GALNT13: variants seen among roughly 807,000 people sequenced by gnomAD.
The protein encoded by GALNT13 is polypeptide N-acetylgalactosaminyltransferase 13.
A neutral mutation model predicts 64.2 loss-of-function variants in GALNT13; 28 were observed. The ratio of observed to expected loss-of-function variants is 0.44; its 90% CI spans 0.32 to 0.60. The LOEUF (loss-of-function observed/expected upper bound fraction) is 0.60. Ranked by LOEUF, GALNT13 falls within the 20% of genes least tolerant of loss-of-function variation. GALNT13 has a pLI of 0.05. For missense variants in GALNT13, 577 were observed against 669.8 expected, an observed-to-expected ratio of 0.86 and a Z score of 1.53; for synonymous variants, 214 against 224.6, an observed-to-expected ratio of 0.95 and a Z score of 0.42.
chr2:154,192,385 G>GT (rs1330039734), intron 4 of GALNT13, among the ~76,000 whole-genome samples: 1 of 152,140 alleles, frequency 6.6e-6, no homozygotes, highest in Non-Finnish European at 1.5e-5. Context: ...AGGCCCGGGG[G>GT]TGGAACCCTA....
At chr2:153,173,369 G>A in the GALNT13 span, 2 of 152,092 alleles carry the variant, frequency 1.3e-5, no homozygotes, top group African/African-American at 4.8e-5. Flanking sequence ...CTATTTGTCT[G>A]GGTCTACCGA....
At chr2:153,485,619 T>C in the GALNT13 span, among the ~76,000 whole-genome samples, 1 of 152,172 alleles carries the variant, frequency 6.6e-6, no homozygotes, top group East Asian at 1.9e-4. Context: ...AATATATTAC[T>C]GGGCCAGGCA....
intron 12 of GALNT13, chr2:154,446,381 T>G (rs901534051): frequency 1.7e-5 from 7 of 422,610 alleles, no homozygotes; most frequent in Non-Finnish European, 2.5e-5. Flanking sequence ...CTTCATTTAC[T>G]CCTTCCTTAT....
chr2:153,403,529 C>A, the GALNT13 span, among the ~76,000 whole-genome samples: 1 of 152,230 alleles, frequency 6.6e-6, no homozygotes, highest in Non-Finnish European at 1.5e-5. Flanking sequence ...CCCCCAGCCT[C>A]CCTGCCACCT....
At chr2:153,603,003 A>C in the GALNT13 span, among the ~76,000 whole-genome samples, 1 of 151,910 alleles carries the variant, frequency 6.6e-6, no homozygotes, top group African/African-American at 2.4e-5. Flanking sequence ...TTTTAACAAC[A>C]GTATATATTG....
At chr2:153,904,045 AT>A in intron 2 of GALNT13, among the ~76,000 whole-genome samples, 2 of 151,904 alleles carry the variant, frequency 1.3e-5, no homozygotes, top group African/African-American at 4.8e-5. Flanking sequence ...GTTTAGCCTG[AT>A]TTTTAAATTA....
chr2:153,160,594 C>T, the GALNT13 span, among the ~76,000 whole-genome samples: 5 of 152,124 alleles, frequency 3.3e-5, no homozygotes, highest in South Asian at 8.3e-4. Context: ...AAGATGACTA[C>T]ACAAGTGTAC....
chr2:153,212,031 A>G, the GALNT13 span, among the ~76,000 whole-genome samples: 1 of 152,196 alleles, frequency 6.6e-6, no homozygotes, highest in East Asian at 1.9e-4. Context: ...TTACAGAAGC[A>G]TAGAGAAATT....
intron 9 of GALNT13, among the ~76,000 whole-genome samples, chr2:154,351,774 T>C (rs947902262): frequency 4.8e-5 from 7 of 145,726 alleles, no homozygotes; most frequent in Non-Finnish European, 1.1e-4. Flanking sequence ...ATAAATTTTG[T>C]ATAAGACCAT....
At chr2:154,410,332 A>G (rs1390642764) in intron 11 of GALNT13, among the ~76,000 whole-genome samples, 1 of 151,972 alleles carries the variant, frequency 6.6e-6, no homozygotes, top group East Asian at 1.9e-4. Context: ...CACATAATAA[A>G]AATTCTGACA....
At chr2:153,962,904 A>G (rs1693040636) in intron 3 of GALNT13, among the ~76,000 whole-genome samples, 1 of 152,164 alleles carries the variant, frequency 6.6e-6, no homozygotes, top group Non-Finnish European at 1.5e-5. Flanking sequence ...ACTCAGCATA[A>G]GTGTTTTGAG....
chr2:153,217,951 A>G, the GALNT13 span, among the ~76,000 whole-genome samples: 10 of 152,144 alleles, frequency 6.6e-5, no homozygotes, highest in Admixed American at 1.3e-4. Context: ...CTGCAGATGG[A>G]CATGTCTTTC....
chr2:154,125,104 T>C (rs1413016950), intron 3 of GALNT13, among the ~76,000 whole-genome samples: 1 of 152,156 alleles, frequency 6.6e-6, no homozygotes, highest in Non-Finnish European at 1.5e-5. Flanking sequence ...TCCCATAGAC[T>C]TGTTATGTAG....
chr2:154,256,269 A>T (rs1356476100), intron 7 of GALNT13, among the ~76,000 whole-genome samples: 3 of 151,900 alleles, frequency 2.0e-5, no homozygotes, highest in African/African-American at 7.3e-5. Flanking sequence ...AAAAAGCGAG[A>T]GAGATAATTG....
At chr2:153,135,210 T>C in the GALNT13 span, among the ~76,000 whole-genome samples, 1 of 152,136 alleles carries the variant, frequency 6.6e-6, no homozygotes, top group Non-Finnish European at 1.5e-5. Flanking sequence ...TTCTTTCATA[T>C]AAGGCTACCA....
chr2:153,086,233 C>T, the GALNT13 span, among the ~76,000 whole-genome samples: 8 of 152,108 alleles, frequency 5.3e-5, no homozygotes, highest in Admixed American at 1.3e-4. Context: ...ATGAGACTTT[C>T]TACTGTGGAC....
the GALNT13 span, among the ~76,000 whole-genome samples, chr2:153,551,296 T>G: frequency 6.6e-6 from 1 of 152,188 alleles, no homozygotes; most frequent in Non-Finnish European, 1.5e-5. Context: ...ACAGAGGATC[T>G]GGATGGGGTA....
chr2:153,625,363 C>T, the GALNT13 span, among the ~76,000 whole-genome samples: 1 of 152,098 alleles, frequency 6.6e-6, no homozygotes, highest in African/African-American at 2.4e-5. Flanking sequence ...ATAATTACTA[C>T]AAACAAACAC....
At chr2:154,254,966 A>C (rs770017126) in intron 7 of GALNT13, among the ~76,000 whole-genome samples, 18 of 152,322 alleles carry the variant, frequency 1.2e-4, no homozygotes, top group Admixed American at 5.9e-4. Context: ...TATTAAATGC[A>C]TATATCCACA....
Sources: gnomAD v4.1 joint callset for allele counts (sites outside exome capture counted in the v4.1 genomes callset) on GRCh38, gnomAD v4.1.1 for gene constraint, MANE v1.5 for transcripts, NCBI Gene and HGNC (gene_info 2026-07-23, HGNC 2026-07-21) for gene names.